Variants in ADGRV1 observed in about 807,000 individuals in gnomAD.
ADGRV1 encodes adhesion G protein-coupled receptor V1.
ADGRV1 carries 359 observed loss-of-function variants against 596.2 expected under a neutral mutation model. The ratio of observed to expected loss-of-function variants is 0.60; its 90% CI spans 0.55 to 0.66. The LOEUF is 0.66. ADGRV1 is among the 30% of genes least tolerant of loss of function. The pLI, the probability that ADGRV1 is intolerant of heterozygous loss-of-function variation, is 0.00. For synonymous variants in ADGRV1, 2,681 were observed against 2,679.2 expected (o/e 1.00, Z -0.02); for missense variants, 7,274 against 7,575.6 (o/e 0.96, Z 1.48).
intron 87 of ADGRV1, among the ~76,000 whole-genome samples, chr5:91,114,902 G>A (rs1221014583): frequency 2.0e-5 from 3 of 152,060 alleles, no homozygotes; most frequent in African/African-American, 7.2e-5. Context: ...TGCCTTGGAG[G>A]ACTTGAACTC....
chr5:90,752,084 C>A (rs1035517808), intron 53 of ADGRV1, among the ~76,000 whole-genome samples: 1 of 151,984 alleles, frequency 6.6e-6, no homozygotes, highest in Non-Finnish European at 1.5e-5. Context: ...GCTTTGTGAG[C>A]CATTTGGTCT....
At chr5:90,814,990 A>T (rs1410794616) in intron 74 of ADGRV1, among the ~76,000 whole-genome samples, 4 of 148,522 alleles carry the variant, frequency 2.7e-5, no homozygotes, top group African/African-American at 7.4e-5. Flanking sequence ...CAGTTTAAAC[A>T]TTTTTTTTTT....
rs2150426623 is a variant in ADGRV1 at position 90,858,137 on chromosome 5, A to G, written c.17755+2236A>G. Among the ~76,000 whole-genome samples the G allele has an allele frequency of 2.0e-5, 3 of 152,340 alleles. 1 individual carries two copies. Among genetic ancestry groups the G allele is most frequent in the Admixed American group, 2.0e-4 (3 of 15,298 alleles). On this transcript the variant is annotated intron_variant, in intron 82 of 89. Transcript: ENST00000405460. Reference sequence around the variant, plus strand: ...ACTTAAAATTGTAAACTAGTTTGCCAACTATCAGAAAATTAAACTAAGATC... The same window carrying G: ...ACTTAAAATTGTAAACTAGTTTGCCGACTATCAGAAAATTAAACTAAGATC...
intron 83 of ADGRV1, among the ~76,000 whole-genome samples, chr5:90,946,763 C>G (rs1053150811): frequency 1.3e-5 from 2 of 152,078 alleles, no homozygotes; most frequent in African/African-American, 4.8e-5. Context: ...TGGCTTCTAG[C>G]TACATCCATG....
chr5:90,731,338 C>T (rs191238776), intron 50 of ADGRV1, among the ~76,000 whole-genome samples: 24 of 152,238 alleles, frequency 1.6e-4, no homozygotes, highest in Admixed American at 5.2e-4. Context: ...GAGCAGCAAG[C>T]GGGAAATCCG....
chr5:91,011,956 C>T (rs1393997916), intron 85 of ADGRV1, among the ~76,000 whole-genome samples: 4 of 151,836 alleles, frequency 2.6e-5, no homozygotes, highest in African/African-American at 4.8e-5. Context: ...CATTCCCCAC[C>T]CCTCTCTTCA....
chr5:90,794,514 C>T (rs990941594), intron 70 of ADGRV1, among the ~76,000 whole-genome samples: 17 of 152,234 alleles, frequency 1.1e-4, no homozygotes, highest in East Asian at 3.9e-4. Flanking sequence ...TCAGCAGATA[C>T]GAAGATGACT....
At position 90,757,173 on chromosome 5, in the gene ADGRV1, A is replaced by G. The variant is rs755020935; in HGVS notation, c.11940+12A>G. On this transcript the variant is annotated intron_variant, in intron 57 of 89. Transcript: ENST00000405460. ...TTGCAGATAAACAGGTATGCCAGTC[A>G]TTAACATATTAGCCTTTTTGAGTTG... 1.9e-6 allele frequency: 3 copies of G among 1,611,446 alleles called. No individual in the cohort carries two copies. The highest frequency in any genetic ancestry group is 2.5e-6 in the Non-Finnish European group (3 of 1,177,686).
intron 20 of ADGRV1, chr5:90,654,209 A>C: frequency 4.2e-6 from 2 of 476,196 alleles, no homozygotes; most frequent in South Asian, 4.6e-5. Flanking sequence ...ATATATCACA[A>C]TGACACCCTG....
At position 90,900,121 on chromosome 5, in the gene ADGRV1, T is replaced by C. The variant is rs532459151; in HGVS notation, c.17856+36264T>C. On this transcript the variant is annotated intron_variant, in intron 83 of 89. Coordinates refer to ENST00000405460, the MANE Select transcript of ADGRV1 (RefSeq NM_032119.4). ...ATTTACAATTTTGGTAAAGTTTTAT[T>C]ATGACACCTCATTTTAGGTGTCACT... Among the ~76,000 whole-genome samples the C allele has an allele frequency of 7.9e-5, 12 of 152,316 alleles. No individual in the cohort carries two copies. In the South Asian group the frequency reaches 2.5e-3, roughly 32 times the overall value.
chr5:90,994,528 A>G (rs1230154128), intron 85 of ADGRV1, among the ~76,000 whole-genome samples: 1 of 152,170 alleles, frequency 6.6e-6, no homozygotes, highest in Non-Finnish European at 1.5e-5. Flanking sequence ...AATTTAAAGT[A>G]TTTGTTCAGT....
At chr5:90,735,572 G>T (rs1753116535) in intron 50 of ADGRV1, among the ~76,000 whole-genome samples, 1 of 152,062 alleles carries the variant, frequency 6.6e-6, no homozygotes, top group Non-Finnish European at 1.5e-5. Flanking sequence ...TTTTGATAAG[G>T]ACTGCATTGA....
chr5:91,105,376 A>G (rs909064894), intron 87 of ADGRV1, among the ~76,000 whole-genome samples: 2 of 152,166 alleles, frequency 1.3e-5, no homozygotes, highest in Non-Finnish European at 2.9e-5. Context: ...GCTGGATCAT[A>G]TGTAGTTCTA....
chr5:90,658,815 T>G (rs1769811480), intron 21 of ADGRV1, among the ~76,000 whole-genome samples: 1 of 152,162 alleles, frequency 6.6e-6, no homozygotes, highest in South Asian at 2.1e-4. Context: ...ATCAGTTCTT[T>G]CCATGTTTTC....
Position 90,694,242 on chromosome 5 carries a change from C to T in ADGRV1, c.7486C>T (p.Gln2496Ter). The stretch of plus-strand genomic sequence containing the variant: ...CAGGGTAGCATCTCTTTTTAGTGGT[C>T]AGGCTGTGGCTGGGAGTGACTATGA... ...MTRVASLFSG[Q>*]AVAGSDYEPV... Residue 2496 changes from glutamine (Q) to a stop codon, truncating the protein, a stop_gained, in exon 33 of 90, where the codon CAG (glutamine) becomes TAG (stop). Transcript: ENST00000405460. LOFTEE classifies it high-confidence loss of function. The T allele has an allele frequency of 6.2e-7, 1 of 1,613,888 alleles. No individual in the cohort carries two copies. The highest frequency in any genetic ancestry group is 8.5e-7 in the Non-Finnish European group (1 of 1,179,852).
intron 34 of ADGRV1, among the ~76,000 whole-genome samples, chr5:90,700,328 C>A (rs909173848): frequency 6.6e-6 from 1 of 152,150 alleles, no homozygotes; most frequent in Non-Finnish European, 1.5e-5. Context: ...GTGGACTATG[C>A]TGAACTTCTG....
chr5:90,985,254 G>T, intron 84 of ADGRV1, 90 bp from the exon 85 acceptor site: 1 of 791,774 alleles, frequency 1.3e-6, no homozygotes, highest in Non-Finnish European at 1.9e-6. Context: ...CTGGCCTTTT[G>T]TTGGTCGGTA....
In ADGRV1 at chr5:90,780,788, A is replaced by G. The variant is rs1280940771; in HGVS notation, c.13083-642A>G. Among the ~76,000 whole-genome samples the G allele has an allele frequency of 2.0e-5, 3 of 152,006 alleles. No individual in the cohort carries two copies. In the East Asian group the frequency reaches 5.8e-4, roughly 29 times the overall value. ...CAATCATAGCTCACTGCAACTTTGAATGCCTGGACTAAAGGGATCCTCTCA... is the reference window on the plus strand; with the variant it reads ...CAATCATAGCTCACTGCAACTTTGAGTGCCTGGACTAAAGGGATCCTCTCA... On this transcript the variant is annotated intron_variant, in intron 64 of 89. Transcript: ENST00000405460.
In ADGRV1 at chr5:90,960,019, G is replaced by C. The variant is rs187857296; in HGVS notation, c.17857-5396G>C. On this transcript the variant is annotated intron_variant, in intron 83 of 89. Coordinates refer to ENST00000405460, the MANE Select transcript of ADGRV1 (RefSeq NM_032119.4). ...CTGGGCATGGTGGCGGGCACCTGTA[G>C]TCCCAGCTACTCGGGAGGCTGAGGC... is the stretch of plus-strand genomic sequence containing the variant. Among the ~76,000 whole-genome samples the C allele has an allele frequency of 3.3e-3, 495 of 151,742 alleles. 1 individual carries two copies. The highest frequency in any genetic ancestry group is 5.2e-3 in the Non-Finnish European group (356 of 67,920).
Sources: gnomAD v4.1 joint callset for allele counts (sites outside exome capture counted in the v4.1 genomes callset) on GRCh38, gnomAD v4.1.1 for gene constraint, MANE v1.5 for transcripts, NCBI Gene and HGNC (gene_info 2026-07-23, HGNC 2026-07-21) for gene names.